The following ACOXL variants were observed in gnomAD, a reference collection of about 807,000 sequenced individuals.
The protein encoded by ACOXL is acyl-coenzyme A oxidase-like protein.
ACOXL carries 70 observed loss-of-function variants against 71.9 expected under a neutral mutation model. The observed-to-expected ratio is 0.97, with a 90% CI of 0.80 to 1.19. ACOXL has a LOEUF of 1.19. Among genes scored for constraint, ACOXL ranks in the 50% most tolerant of loss-of-function variants. The probability of loss-of-function intolerance (pLI) is 0.00; values close to 1 mark genes in which losing one functional copy is unlikely to be tolerated. For synonymous variants in ACOXL, 253 were observed against 281.6 expected, an observed-to-expected ratio of 0.90 and a Z score of 1.02; for missense variants, 703 against 736.3, an observed-to-expected ratio of 0.95 and a Z score of 0.52.
intron 1 of ACOXL, among the ~76,000 whole-genome samples, chr2:110,756,925 T>C (rs1470226353): frequency 6.6e-6 from 1 of 152,216 alleles, no homozygotes; most frequent in East Asian, 1.9e-4. Context: ...CAGGGGTACA[T>C]GTGCAGGATG....
At chr2:110,875,199 GA>G (rs1272197871) in intron 10 of ACOXL, among the ~76,000 whole-genome samples, 1 of 152,182 alleles carries the variant, frequency 6.6e-6, no homozygotes, top group African/African-American at 2.4e-5. Flanking sequence ...AGGGACAAAG[GA>G]TGGCCGTTCA....
chr2:110,907,451 A>G (rs904261692), intron 10 of ACOXL, among the ~76,000 whole-genome samples: 2 of 151,440 alleles, frequency 1.3e-5, no homozygotes, highest in African/African-American at 2.4e-5. Context: ...TTTTTTTGTT[A>G]TTTTCACCGT....
At chr2:111,070,072 G>A (rs1452032677) in intron 16 of ACOXL, among the ~76,000 whole-genome samples, 5 of 152,124 alleles carry the variant, frequency 3.3e-5, no homozygotes, top group Admixed American at 6.6e-5. Flanking sequence ...CTGTCCAAGC[G>A]TATTCAGCAT....
intron 1 of ACOXL, among the ~76,000 whole-genome samples, chr2:110,765,091 G>T (rs1658175160): frequency 6.6e-6 from 1 of 152,150 alleles, no homozygotes; most frequent in Non-Finnish European, 1.5e-5. Context: ...CTCAGTACTT[G>T]AAAAATGTTG....
chr2:110,755,696 G>T (rs921689145), intron 1 of ACOXL, among the ~76,000 whole-genome samples: 2 of 152,040 alleles, frequency 1.3e-5, no homozygotes, highest in Non-Finnish European at 2.9e-5. Context: ...TTCAAATGAG[G>T]AACATACTCC....
At position 110,794,165 on chromosome 2, in the gene ACOXL, C is replaced by G. The variant is rs1436764575; in HGVS notation, c.336C>G (p.Leu112=). The change falls in exon 5 of 18, where the codon CTC becomes CTG. Residue 112 remains leucine, a synonymous_variant. Coordinates refer to ENST00000439055, the MANE Select transcript of ACOXL (RefSeq NM_001142807.4). Reference sequence around the variant, plus strand: ...TCCAGACCGAAGCCACCTTTGACCTCTCTGCCCAGGTGAGGAATCCATCCT... The same window carrying G: ...TCCAGACCGAAGCCACCTTTGACCTGTCTGCCCAGGTGAGGAATCCATCCT... ...RGIQTEATFD[L]SAQEFVIDTP... 1 of 1,614,184 alleles carries G rather than the reference C, an allele frequency of 6.2e-7. No homozygotes were observed. Among genetic ancestry groups the G allele is most frequent in the South Asian group, 1.1e-5 (1 of 91,080 alleles).
intron 10 of ACOXL, among the ~76,000 whole-genome samples, chr2:110,882,048 A>G (rs965690693): frequency 3.9e-5 from 6 of 152,182 alleles, no homozygotes; most frequent in African/African-American, 1.4e-4. Flanking sequence ...GAGAAACCAC[A>G]ACAGTTTTAA....
intron 9 of ACOXL, among the ~76,000 whole-genome samples, chr2:110,836,515 A>G (rs746062470): frequency 6.6e-6 from 1 of 151,446 alleles, no homozygotes; most frequent in Non-Finnish European, 1.5e-5. Context: ...TTTGAGTGGT[A>G]TTATGTGGGT....
intron 10 of ACOXL, among the ~76,000 whole-genome samples, chr2:110,845,705 C>A (rs1472286315): frequency 6.6e-6 from 1 of 152,164 alleles, no homozygotes; most frequent in Non-Finnish European, 1.5e-5. Context: ...TTCGTGACTA[C>A]CTTATTTAAC....
intron 9 of ACOXL, among the ~76,000 whole-genome samples, chr2:110,817,868 G>T (rs1347287945): frequency 6.6e-6 from 1 of 151,714 alleles, no homozygotes; most frequent in Admixed American, 6.6e-5. Context: ...ATGGTGTAAG[G>T]CACTAAGGGC....
chr2:110,883,784 A>C (rs992472648), intron 10 of ACOXL, among the ~76,000 whole-genome samples: 1 of 152,234 alleles, frequency 6.6e-6, no homozygotes, highest in Non-Finnish European at 1.5e-5. Context: ...TTGTTCATAC[A>C]TGCTGCCTTT....
intron 10 of ACOXL, among the ~76,000 whole-genome samples, chr2:110,890,543 T>C (rs796743866): frequency 4.6e-5 from 7 of 152,320 alleles, no homozygotes; most frequent in African/African-American, 1.7e-4. Context: ...ATCCAGTTAT[T>C]TCAGTACTAT....
chr2:111,050,991 G>A (rs2149836401), intron 16 of ACOXL, among the ~76,000 whole-genome samples: 1 of 152,274 alleles, frequency 6.6e-6, no homozygotes, highest in Non-Finnish European at 1.5e-5. Context: ...ATGGCCTGAG[G>A]TTTCCTGGAA....
At chr2:111,043,368 C>A (rs1006258317) in intron 15 of ACOXL, among the ~76,000 whole-genome samples, 1 of 152,204 alleles carries the variant, frequency 6.6e-6, no homozygotes, top group East Asian at 1.9e-4. Flanking sequence ...TTCTGCAAAA[C>A]GAAGCCTTTT....
rs536900622 is a variant in ACOXL, at chr2:110,933,557, A to G, written c.974A>G (p.Gln325Arg). ...GKELVNSRSL[Q>R]ALVAGLKAYS... ...GAGCTGGTCAACAGTCGCTCGCTGC[A>G]GGCTCTGGTGGCGGGGCTGAAGGCC... Residue 325 changes from glutamine (Q) to arginine (R), a missense_variant, in exon 12 of 18, where the codon CAG becomes CGG. By Grantham distance (43) the Gln-to-Arg change is conservative. Coordinates refer to ENST00000439055, the MANE Select transcript of ACOXL (RefSeq NM_001142807.4). 1 of 1,614,180 alleles carries G rather than the reference A, an allele frequency of 6.2e-7. No homozygotes were observed. Among genetic ancestry groups the G allele is most frequent in the East Asian group, 2.2e-5 (1 of 44,888 alleles).
intron 2 of ACOXL, among the ~76,000 whole-genome samples, chr2:110,779,571 CTTATA>C (rs1683076781): frequency 1.3e-5 from 2 of 152,208 alleles, no homozygotes; most frequent in South Asian, 2.1e-4. Flanking sequence ...GACTTCAGCC[CTTATA>C]TTATAAAGCT....
intron 9 of ACOXL, among the ~76,000 whole-genome samples, chr2:110,835,524 C>T (rs1174899161): frequency 6.6e-6 from 1 of 152,184 alleles, no homozygotes; most frequent in Non-Finnish European, 1.5e-5. Context: ...AGTGCAGACA[C>T]CTCTCCCTGC....
chr2:110,991,074 G>A (rs1445772817), intron 13 of ACOXL, among the ~76,000 whole-genome samples: 1 of 152,106 alleles, frequency 6.6e-6, no homozygotes, highest in East Asian at 1.9e-4. Context: ...ATCCGGGCTT[G>A]GCGAGTAAAC....
chr2:111,091,081 T>G (rs771780194), intron 16 of ACOXL, among the ~76,000 whole-genome samples: 13 of 152,134 alleles, frequency 8.5e-5, no homozygotes, highest in African/African-American at 3.1e-4. Context: ...TGGGGTCACC[T>G]TGGGATTGCT....
Sources: allele counts gnomAD v4.1 joint callset (sites outside exome capture counted in the v4.1 genomes callset), GRCh38; gene constraint gnomAD v4.1.1; transcripts MANE v1.5; gene names NCBI Gene and HGNC (gene_info 2026-07-23, HGNC 2026-07-21).